Variants in CEP164 observed in about 807,000 individuals in gnomAD.
CEP164 encodes the protein centrosomal protein of 164 kDa.
CEP164 carries 162 observed loss-of-function variants against 182.7 expected under a neutral mutation model. The observed-to-expected ratio is 0.89, with a 90% CI of 0.78 to 1.01. CEP164 has a LOEUF of 1.01. Among genes scored for constraint, CEP164 ranks in the 50% least tolerant of loss-of-function variants. The pLI is 0.00. For synonymous variants in CEP164, 661 were observed against 690.0 expected (o/e 0.96, Z 0.66); for missense variants, 1,735 against 1,790.4 (o/e 0.97, Z 0.56).
chr11:117,409,801 C>CCCCCCCCCCCCCCCT lies in CEP164; in HGVS notation c.3936_3937insCCCCCCCCCCTCCCC (p.Pro1312_Thr1313insProProProLeuPro). ...CCCCGGGACCCTAAGAGCACCCCCA[C>CCCCCCCCCCCCCCCT]CCCCACCTACTATGGCTCCCTGGCC... On this transcript the variant is annotated inframe_insertion, in exon 30 of 33. Transcript: ENST00000278935. The surrounding 1 kb of genome is among the most constrained non-coding windows in gnomAD (Gnocchi z 4.4). 6.2e-7 allele frequency: 1 copy of CCCCCCCCCCCCCCCT among 1,611,078 alleles called. No individual in the cohort carries two copies. Among genetic ancestry groups the CCCCCCCCCCCCCCCT allele is most frequent in the South Asian group, 1.1e-5 (1 of 90,860 alleles).
At chr11:117,327,395 A>G (rs774407870), upstream of CEP164, among the ~76,000 whole-genome samples, 2 of 152,030 alleles carry the variant, frequency 1.3e-5, no homozygotes, top group Admixed American at 6.6e-5. Flanking sequence ...TCACATTAGT[A>G]TAAATACTCT....
At chr11:117,381,552 T>C in intron 12 of CEP164, 149 bp from the exon 13 acceptor site, 3 of 968,528 alleles carry the variant, frequency 3.1e-6, no homozygotes, top group Non-Finnish European at 4.5e-6. Flanking sequence ...CTTGCCCTGC[T>C]ATGGCTCTCC....
At chr11:117,362,827 C>T (rs1473012610) in intron 7 of CEP164, among the ~76,000 whole-genome samples, 1 of 152,168 alleles carries the variant, frequency 6.6e-6, no homozygotes, top group Non-Finnish European at 1.5e-5. Flanking sequence ...CCTATTCCCT[C>T]TCCCTCCATC....
chr11:117,346,630 G>A (rs2038938825), intron 4 of CEP164, among the ~76,000 whole-genome samples: 1 of 151,864 alleles, frequency 6.6e-6, no homozygotes, highest in Non-Finnish European at 1.5e-5. Context: ...TTGGGAGGCC[G>A]AGTTTGGAGG....
At chr11:117,351,524 A>G (rs1217625412) in intron 4 of CEP164, among the ~76,000 whole-genome samples, 1 of 152,170 alleles carries the variant, frequency 6.6e-6, no homozygotes, top group Non-Finnish European at 1.5e-5. Context: ...GTGATTATAC[A>G]TCAACATCTA....
At chr11:117,338,718 G>A (rs756555332) in intron 3 of CEP164, 50 bp downstream of exon 3, 1 of 1,362,700 alleles carries the variant, frequency 7.3e-7, no homozygotes, top group East Asian at 2.3e-5. Context: ...GTTTTTTGAG[G>A]ACAGGGATTG....
intron 15 of CEP164, among the ~76,000 whole-genome samples, chr11:117,389,988 G>T (rs978190709): frequency 2.1e-5 from 3 of 143,186 alleles, no homozygotes; most frequent in African/African-American, 7.9e-5. Context: ...TGTTGCCCAG[G>T]TTGGAGTGCT....
upstream of CEP164, among the ~76,000 whole-genome samples, chr11:117,327,423 C>T (rs182752200): frequency 6.6e-6 from 1 of 151,372 alleles, no homozygotes; most frequent in Non-Finnish European, 1.5e-5. Flanking sequence ...CCTTCTCTGT[C>T]CTGGCAGAAA....
At chr11:117,366,534 C>T (rs1418101562) in intron 8 of CEP164, among the ~76,000 whole-genome samples, 1 of 152,176 alleles carries the variant, frequency 6.6e-6, no homozygotes, top group African/African-American at 2.4e-5. Context: ...GGTAGGCGAG[C>T]AGACTTTATG....
intron 1 of CEP164, among the ~76,000 whole-genome samples, chr11:117,330,212 G>A (rs1226765403): frequency 6.6e-6 from 1 of 152,038 alleles, no homozygotes; most frequent in Non-Finnish European, 1.5e-5. Flanking sequence ...TATATATTAT[G>A]TTACTTCCTT....
At chr11:117,390,001 G>A (rs571475001) in intron 15 of CEP164, among the ~76,000 whole-genome samples, 1 of 147,672 alleles carries the variant, frequency 6.8e-6, no homozygotes, top group South Asian at 2.1e-4. Flanking sequence ...GGAGTGCTGT[G>A]GTGTGATCTC....
chr11:117,383,914 T>A (rs2043641125), intron 14 of CEP164, among the ~76,000 whole-genome samples: 1 of 152,190 alleles, frequency 6.6e-6, no homozygotes, highest in Non-Finnish European at 1.5e-5. Flanking sequence ...CAGGTGCCTA[T>A]AATCCCAGCT....
intron 9 of CEP164, among the ~76,000 whole-genome samples, chr11:117,372,629 C>T (rs1209320794): frequency 6.6e-6 from 1 of 151,726 alleles, no homozygotes; most frequent in Non-Finnish European, 1.5e-5. Flanking sequence ...GTTGGTCAGG[C>T]TGGTCTTGAA....
At chr11:117,355,960 TA>T in intron 5 of CEP164, 1 of 1,104,976 alleles carries the variant, frequency 9.0e-7, no homozygotes. Context: ...AGCTCCCTTA[TA>T]AAGATCAGAA....
chr11:117,400,368 A>G (rs2045989590), intron 27 of CEP164, among the ~76,000 whole-genome samples: 1 of 152,146 alleles, frequency 6.6e-6, no homozygotes, highest in Non-Finnish European at 1.5e-5. Context: ...TACCAGTACC[A>G]TGCTGTTTTG....
intron 27 of CEP164, among the ~76,000 whole-genome samples, chr11:117,407,457 C>CAAAAAAAAAAAA (rs1232486465): frequency 1.4e-5 from 1 of 69,024 alleles, no homozygotes; most frequent in Non-Finnish European, 2.8e-5. Flanking sequence ...TCTGTCTCTA[C>CAAAAAAAAAAAA]AAAAAAAAAA....
chr11:117,354,488 T>C (rs2040074447), intron 5 of CEP164, among the ~76,000 whole-genome samples: 1 of 152,200 alleles, frequency 6.6e-6, no homozygotes, highest in Admixed American at 6.5e-5. Context: ...GGAGCTTCTT[T>C]GGTTGAACTT....
At position 117,361,925 on chromosome 11, in the gene CEP164, C is replaced by T. The variant is rs764739972; in HGVS notation, c.484C>T (p.Arg162Cys). The T allele has an allele frequency of 1.1e-5, 17 of 1,610,560 alleles. No individual in the cohort carries two copies. The highest frequency in any genetic ancestry group is 4.5e-5 in the East Asian group (2 of 44,874). ...TGTGGATACCCCACCCTCTGCTCTT[C>T]GTGGATCTCAAAGCGTGAGCCTGGG... ...GLVDTPPSAL[R>C]GSQSVSLGSS... Residue 162 changes from arginine to cysteine, a missense_variant, in exon 6 of 33, where the codon CGT becomes TGT. Coordinates refer to ENST00000278935, the MANE Select transcript of CEP164 (RefSeq NM_014956.5).
chr11:117,333,792 T>C (rs2036592319), intron 1 of CEP164, among the ~76,000 whole-genome samples: 1 of 152,144 alleles, frequency 6.6e-6, no homozygotes, highest in Non-Finnish European at 1.5e-5. Context: ...TGCTTTGGCC[T>C]CCCAAAGTGC....
Sources: gnomAD v4.1 joint callset for allele counts (sites outside exome capture counted in the v4.1 genomes callset) on GRCh38, gnomAD v4.1.1 for gene constraint, Gnocchi (gnomAD v3.1) non-coding constraint, MANE v1.5 for transcripts, NCBI Gene and HGNC (gene_info 2026-07-23, HGNC 2026-07-21) for gene names.